CLPB: variants seen among roughly 807,000 people sequenced by gnomAD.
CLPB encodes ClpB family mitochondrial disaggregase.
CLPB carries 40 observed loss-of-function variants against 78.4 expected under a neutral mutation model. The ratio of observed to expected loss-of-function variants is 0.51; its 90% confidence interval spans 0.40 to 0.66. The LOEUF (loss-of-function observed/expected upper bound fraction) is 0.66, where lower values mean the gene tolerates loss of function less well. Among genes scored for constraint, CLPB ranks in the 30% least tolerant of loss-of-function variants. The pLI is 0.00. For missense variants in CLPB, 780 were observed against 886.9 expected (o/e 0.88, Z 1.53); for synonymous variants, 333 against 348.0 (o/e 0.96, Z 0.48).
At chr11:72,433,711 A>C (rs1856616182) in intron 1 of CLPB, among the ~76,000 whole-genome samples, 1 of 152,014 alleles carries the variant, frequency 6.6e-6, no homozygotes, top group South Asian at 2.1e-4. Flanking sequence ...GTTGCCCTTA[A>C]AACACCCCAT....
At chr11:72,350,542 C>T (rs1184936813) in intron 5 of CLPB, among the ~76,000 whole-genome samples, 1 of 152,174 alleles carries the variant, frequency 6.6e-6, no homozygotes, top group Non-Finnish European at 1.5e-5. Flanking sequence ...CATCTATATT[C>T]TACCAGACTT....
At chr11:72,404,855 A>G (rs142612017) in intron 2 of CLPB, among the ~76,000 whole-genome samples, 1 of 152,200 alleles carries the variant, frequency 6.6e-6, no homozygotes, top group African/African-American at 2.4e-5. Flanking sequence ...TGGAGGATTT[A>G]CTCTGGTGAA....
intron 3 of CLPB, among the ~76,000 whole-genome samples, chr11:72,383,833 A>G (rs1854994423): frequency 6.6e-6 from 1 of 152,212 alleles, no homozygotes; most frequent in Admixed American, 6.5e-5. Context: ...TTTCTTAGAC[A>G]GGTCTGACGG....
chr11:72,358,253 T>C (rs529426700), intron 5 of CLPB, among the ~76,000 whole-genome samples: 6 of 152,344 alleles, frequency 3.9e-5, no homozygotes, highest in East Asian at 1.9e-4. Flanking sequence ...CCAAGTACTA[T>C]AGTAGATGCT....
Position 72,293,524 on chromosome 11 carries a change from G to A in CLPB, c.1877C>T (p.Ser626Leu). ...TGGGCTTTTGAGTAGCTGCTTGTCTGAGTCCTCCACCGTGATGCGCAAAGT... is the reference window on the plus strand; with the variant it reads ...TGGGCTTTTGAGTAGCTGCTTGTCTAAGTCCTCCACCGTGATGCGCAAAGT... ...GCTLRITVEDSDKQLLKSPEL... is the reference protein window; with the variant it reads ...GCTLRITVEDLDKQLLKSPEL... Residue 626 changes from serine (S) to leucine (L), a missense_variant, in exon 16 of 16, where the codon TCA becomes TTA. Ser to Leu is a moderately radical substitution (Grantham distance 145, BLOSUM62 -2). Transcript: ENST00000538039. 1 of 1,614,174 alleles carries A rather than the reference G, an allele frequency of 6.2e-7. No individual in the cohort carries two copies. Among genetic ancestry groups the A allele is most frequent in the Non-Finnish European group, 8.5e-7 (1 of 1,180,036 alleles).
chr11:72,361,928 G>T (rs547262084), intron 4 of CLPB, among the ~76,000 whole-genome samples: 88 of 152,264 alleles, frequency 5.8e-4, no homozygotes, highest in Non-Finnish European at 1.0e-3. Context: ...CTATACACAG[G>T]GTACTTACCA....
chr11:72,336,336 G>A (rs946408366), intron 5 of CLPB, among the ~76,000 whole-genome samples: 1 of 152,108 alleles, frequency 6.6e-6, no homozygotes, highest in Non-Finnish European at 1.5e-5. Flanking sequence ...GGTTCTGTCA[G>A]CACACTGATC....
At chr11:72,411,400 G>A (rs1855872215) in intron 2 of CLPB, among the ~76,000 whole-genome samples, 1 of 152,200 alleles carries the variant, frequency 6.6e-6, no homozygotes, top group Non-Finnish European at 1.5e-5. Context: ...TCCAGTCATG[G>A]CTCTATCACT....
intron 5 of CLPB, chr11:72,336,824 G>C: frequency 2.8e-6 from 1 of 353,190 alleles, no homozygotes; most frequent in Non-Finnish European, 5.1e-6. Context: ...AGAGAGAGTG[G>C]CAGGATGACC....
chr11:72,294,717 CT>C (rs1176957301), intron 12 of CLPB, 24 bp from the exon 13 acceptor site: 1 of 1,597,886 alleles, frequency 6.3e-7, no homozygotes, highest in African/African-American at 1.3e-5. Context: ...TCATAAACTG[CT>C]TATTCCCCAC....
intron 7 of CLPB, among the ~76,000 whole-genome samples, chr11:72,311,907 G>A (rs563564966): frequency 3.9e-4 from 59 of 152,350 alleles, no homozygotes; most frequent in African/African-American, 1.3e-3. Context: ...TCCTGGCCAT[G>A]CTTGTCACTA....
intron 2 of CLPB, among the ~76,000 whole-genome samples, chr11:72,418,256 T>TA (rs1380990128): frequency 6.6e-6 from 1 of 152,202 alleles, no homozygotes; most frequent in African/African-American, 2.4e-5. Context: ...TTGTGTGACT[T>TA]ACTACGGTGA....
At chr11:72,398,870 CA>C (rs1348697517) in intron 3 of CLPB, among the ~76,000 whole-genome samples, 2 of 152,198 alleles carry the variant, frequency 1.3e-5, no homozygotes, top group African/African-American at 4.8e-5. Flanking sequence ...AAAGCTTTGG[CA>C]GCACGGCTAC....
chr11:72,408,873 G>C (rs1186940105), intron 2 of CLPB, among the ~76,000 whole-genome samples: 1 of 152,158 alleles, frequency 6.6e-6, no homozygotes, highest in African/African-American at 2.4e-5. Context: ...AAAGTCCTGG[G>C]CCAGCTAGGC....
At chr11:72,321,399 G>A (rs551062713) in intron 6 of CLPB, among the ~76,000 whole-genome samples, 2 of 152,288 alleles carry the variant, frequency 1.3e-5, no homozygotes, top group Admixed American at 6.5e-5. Flanking sequence ...AGCCATCAGC[G>A]ACCAGCTTCC....
At chr11:72,354,433 A>C (rs893012782) in intron 5 of CLPB, 4 of 398,238 alleles carry the variant, frequency 1.0e-5, no homozygotes, top group Non-Finnish European at 1.3e-5. Flanking sequence ...TGTTTTAGGA[A>C]GATGGATCTG....
intron 4 of CLPB, among the ~76,000 whole-genome samples, chr11:72,375,083 TTACTC>T (rs1854644893): frequency 6.6e-6 from 1 of 152,216 alleles, no homozygotes; most frequent in Admixed American, 6.5e-5. Context: ...TAATATCTAT[TTACTC>T]TATTCCCAAA....
At position 72,286,800 on chromosome 11, in the gene CLPB, C is replaced by CATGT. The variant is rs1555083667; in HGVS notation, c.*6566_*6567insACAT. On this transcript the variant is annotated 3_prime_UTR_variant, in exon 16 of 16. Coordinates refer to ENST00000538039, the MANE Select transcript of CLPB (RefSeq NM_001258392.3). ...CACCTTACTTTTTGCTTTATCATTC[C>CATGT]GTGTGTGTGTGTGTGTGTGTGTGTG... 2.7e-5 allele frequency: 4 copies of CATGT among 148,218 alleles called. No individual in the cohort carries two copies. Among genetic ancestry groups the CATGT allele is most frequent in the Admixed American group, 2.0e-4 (3 of 14,758 alleles). 9.2% of individuals were successfully genotyped at this position (148,218 alleles called of 1,614,324 possible).
At chr11:72,407,678 G>A (rs1053580858) in intron 2 of CLPB, among the ~76,000 whole-genome samples, 6 of 147,388 alleles carry the variant, frequency 4.1e-5, no homozygotes, top group Non-Finnish European at 7.4e-5. Flanking sequence ...ATGGAGTCTC[G>A]TTCTGTCGCC....
Sources: gnomAD v4.1 joint callset for allele counts (sites outside exome capture counted in the v4.1 genomes callset) on GRCh38, gnomAD v4.1.1 for gene constraint, MANE v1.5 for transcripts, NCBI Gene and HGNC (gene_info 2026-07-23, HGNC 2026-07-21) for gene names.